The following CFTR variants were observed in gnomAD, a reference collection of about 807,000 sequenced individuals.
CFTR encodes cystic fibrosis transmembrane conductance regulator.
Under a neutral mutation model 171.6 loss-of-function variants are expected in CFTR, and 181 were observed. That is an observed-to-expected ratio of 1.05 (90% CI 0.93 to 1.19). The LOEUF (loss-of-function observed/expected upper bound fraction) is 1.19, where lower values mean the gene tolerates loss of function less well. CFTR is among the 50% of genes most tolerant of loss of function. CFTR has a pLI of 0.00. For missense variants in CFTR, 1,968 were observed against 1,734.7 expected, an observed-to-expected ratio of 1.13 and a Z score of -2.39; for synonymous variants, 583 against 608.0, an observed-to-expected ratio of 0.96 and a Z score of 0.60.
chr7:117,531,371 C>T, intron 4 of CFTR, among the ~76,000 whole-genome samples: 1 of 151,394 alleles, frequency 6.6e-6, no homozygotes, highest in East Asian at 1.9e-4. Context: ...ATCATGTTAT[C>T]ATTTTTTTGG....
Position 117,535,279 on chromosome 7 carries a change from C to T in CFTR, c.611C>T (p.Ala204Val). The T allele has an allele frequency of 6.2e-7, 1 of 1,614,070 alleles. No individual in the cohort carries two copies. Among genetic ancestry groups the T allele is most frequent in the Non-Finnish European group, 8.5e-7 (1 of 1,179,996 alleles). The change falls in exon 6 of 27, where the codon GCT becomes GTT. Residue 204 changes from alanine (A) to valine (V), a missense_variant. Physicochemically the swap from Ala to Val is moderately conservative, Grantham distance 64. Transcript: ENST00000003084. Reference sequence around the variant, plus strand: ...GCATTGGCACATTTCGTGTGGATCGCTCCTTTGCAAGTGGCACTCCTCATG... The same window carrying T: ...GCATTGGCACATTTCGTGTGGATCGTTCCTTTGCAAGTGGCACTCCTCATG... ...GLALAHFVWI[A>V]PLQVALLMGL...
chr7:117,499,395 T>C (rs1798285720), intron 1 of CFTR, among the ~76,000 whole-genome samples: 1 of 150,012 alleles, frequency 6.7e-6, no homozygotes, highest in African/African-American at 2.5e-5. Context: ...ATTGGAATTT[T>C]TGTCCTAAGA....
chr7:117,661,076 C>A (rs1342934541), intron 24 of CFTR, among the ~76,000 whole-genome samples: 1 of 152,184 alleles, frequency 6.6e-6, no homozygotes, highest in Admixed American at 6.5e-5. Context: ...TTTTCAAAAA[C>A]AATTACTAAT....
At chr7:117,492,128 T>C (rs547955239) in intron 1 of CFTR, among the ~76,000 whole-genome samples, 1 of 152,040 alleles carries the variant, frequency 6.6e-6, no homozygotes, top group African/African-American at 2.4e-5. Flanking sequence ...CCACTAAAAA[T>C]AGGATGAAGG....
intron 21 of CFTR, among the ~76,000 whole-genome samples, chr7:117,624,733 C>T (rs1792626603): frequency 6.6e-6 from 1 of 152,240 alleles, no homozygotes; most frequent in Middle Eastern, 3.4e-3. Flanking sequence ...TCTAATCCAT[C>T]ATAATTTTTG....
chr7:117,626,441 G>A (rs34606983), intron 21 of CFTR, among the ~76,000 whole-genome samples: 2,300 of 152,068 alleles, frequency 0.015, 42 homozygotes, highest in African/African-American at 0.035. Context: ...TGTTAATATT[G>A]TAAAGGAAAG....
At chr7:117,539,023 A>G (rs1162192095) in intron 7 of CFTR, among the ~76,000 whole-genome samples, 1 of 152,200 alleles carries the variant, frequency 6.6e-6, no homozygotes, top group Non-Finnish European at 1.5e-5. Context: ...AAGAAGAACT[A>G]ATGCCCAAAT....
intron 24 of CFTR, among the ~76,000 whole-genome samples, chr7:117,660,991 A>G (rs1035174165): frequency 9.9e-5 from 15 of 152,188 alleles, no homozygotes; most frequent in African/African-American, 3.6e-4. Context: ...TATATGACTA[A>G]GCAGTCATTT....
chr7:117,548,964 T>A lies in CFTR; in HGVS notation c.1392+141T>A. 3.2e-6 allele frequency: 4 copies of A among 1,240,730 alleles called. No homozygotes were observed. In the South Asian group the frequency reaches 4.4e-5, roughly 14 times the overall value. The allele number at this position is 1,240,730 out of a possible 1,614,324, so 76.9% of individuals were successfully genotyped here. A position where few individuals can be genotyped will look rare whatever the true frequency, so the allele number is the denominator to read the frequency against. On this transcript the variant is annotated intron_variant, in intron 10 of 26. Coordinates refer to ENST00000003084, the MANE Select transcript of CFTR (RefSeq NM_000492.4). ...GAATGTATGGGTGTAGTGTCTTGTA[T>A]AATAGAAATTGTTCCACTGATAATT...
intron 18 of CFTR, among the ~76,000 whole-genome samples, chr7:117,609,202 A>G (rs1008916881): frequency 6.6e-6 from 1 of 152,092 alleles, no homozygotes; most frequent in Non-Finnish European, 1.5e-5. Flanking sequence ...TGCTTTCCGG[A>G]TTGGAGCACT....
intron 24 of CFTR, among the ~76,000 whole-genome samples, chr7:117,663,644 G>C (rs1023859794): frequency 1.8e-4 from 27 of 151,814 alleles, no homozygotes; most frequent in African/African-American, 6.5e-4. Flanking sequence ...ACAGTGTTAT[G>C]GGCCATTTCT....
Position 117,502,644 on chromosome 7 carries a change from G to T in CFTR, c.54-1609G>T, listed in dbSNP as rs1355917768. Among the ~76,000 whole-genome samples, 3 of 152,156 alleles carry T rather than the reference G, an allele frequency of 2.0e-5. No homozygotes were observed. The South Asian group carries it at 6.2e-4, about 31-fold the overall frequency. On this transcript the variant is annotated intron_variant, in intron 1 of 26. Coordinates refer to ENST00000003084, the MANE Select transcript of CFTR (RefSeq NM_000492.4). ...TGGGTGTGCCATCACTTTCTCAGAT[G>T]ATGTCCACTGAAGACCTTGCATGAT...
intron 21 of CFTR, chr7:117,616,392 T>G (rs1274765854): frequency 6.6e-6 from 1 of 152,134 alleles, no homozygotes; most frequent in Non-Finnish European, 1.5e-5. Flanking sequence ...TTACATCTAT[T>G]TAATTCTTTG....
At chr7:117,631,953 A>T (rs543508630) in intron 22 of CFTR, among the ~76,000 whole-genome samples, 2 of 152,318 alleles carry the variant, frequency 1.3e-5, no homozygotes, top group African/African-American at 4.8e-5. Flanking sequence ...GTCTATGCTA[A>T]TAACAGACAG....
intron 22 of CFTR, among the ~76,000 whole-genome samples, chr7:117,634,493 T>G (rs561019338): frequency 6.6e-6 from 1 of 152,218 alleles, no homozygotes; most frequent in East Asian, 1.9e-4. Flanking sequence ...ATTTTTAAAT[T>G]ATGCTTACAT....
intron 20 of CFTR, 76 bp from the exon 21 acceptor site, chr7:117,614,537 G>C (rs918233364): frequency 1.1e-6 from 1 of 895,044 alleles, no homozygotes; most frequent in Non-Finnish European, 1.9e-6. Flanking sequence ...ATGTGCCCTA[G>C]GAGAAGTGTG....
intron 15 of CFTR, among the ~76,000 whole-genome samples, chr7:117,596,579 C>T (rs780334111): frequency 2.5e-4 from 38 of 152,238 alleles, no homozygotes; most frequent in Admixed American, 6.5e-4. Flanking sequence ...GCTTCTGAGT[C>T]TGGTGGGGAC....
At position 117,627,486 on chromosome 7, in the gene CFTR, T is replaced by C. The variant is rs748055063; in HGVS notation, c.3469-36T>C. 4.3e-6 allele frequency: 7 copies of C among 1,610,828 alleles called. 1 individual carries two copies. In the South Asian group the frequency reaches 7.7e-5, roughly 18 times the overall value. Reference sequence around the variant, plus strand: ...AAACTAATTGTGAAATTGTCTGCCATTCTTAAAAACAAAAATGTTGTTATT... The same window carrying C: ...AAACTAATTGTGAAATTGTCTGCCACTCTTAAAAACAAAAATGTTGTTATT... On this transcript the variant is annotated intron_variant, in intron 21 of 26. Coordinates refer to ENST00000003084, the MANE Select transcript of CFTR (RefSeq NM_000492.4).
chr7:117,600,892 T>A (rs1470120097), intron 15 of CFTR, among the ~76,000 whole-genome samples: 1 of 152,090 alleles, frequency 6.6e-6, no homozygotes. Flanking sequence ...CACCAAATAT[T>A]TTTTTAAAGT....
Sources: gnomAD v4.1 joint callset for allele counts (sites outside exome capture counted in the v4.1 genomes callset) on GRCh38, gnomAD v4.1.1 for gene constraint, MANE v1.5 for transcripts, NCBI Gene and HGNC (gene_info 2026-07-23, HGNC 2026-07-21) for gene names.